SLC9A9: variants seen among roughly 807,000 people sequenced by gnomAD.
The protein encoded by SLC9A9 is solute carrier family 9 member A9, also known as sodium/hydrogen exchanger 9.
Under a neutral mutation model 77.8 loss-of-function variants are expected in SLC9A9, and 62 were observed. That is an observed-to-expected ratio of 0.80 (90% CI 0.65 to 0.98). The LOEUF is 0.98. Ranked by LOEUF, SLC9A9 falls within the 50% of genes least tolerant of loss-of-function variation. The pLI is 0.00. For missense variants in SLC9A9, 775 were observed against 774.9 expected (o/e 1.00, Z 0.00); for synonymous variants, 320 against 283.5 (o/e 1.13, Z -1.29).
chr3:143,368,059 T>C (rs1320627935), intron 13 of SLC9A9, among the ~76,000 whole-genome samples: 1 of 152,212 alleles, frequency 6.6e-6, no homozygotes, highest in Non-Finnish European at 1.5e-5. Context: ...AGCAGCAGAA[T>C]GTTTGATACA....
intron 9 of SLC9A9, among the ~76,000 whole-genome samples, chr3:143,522,371 T>G (rs9828276): frequency 0.35 from 52,964 of 151,980 alleles, 9,237 homozygotes; most frequent in East Asian, 0.44. Flanking sequence ...CTTGTGCCAA[T>G]ATATACAATT....
At chr3:143,352,677 TAATGA>T (rs1398300490) in intron 14 of SLC9A9, among the ~76,000 whole-genome samples, 1 of 152,218 alleles carries the variant, frequency 6.6e-6, no homozygotes, top group African/African-American at 2.4e-5. Context: ...ATCAATATCT[TAATGA>T]AATGATACTT....
intron 4 of SLC9A9, among the ~76,000 whole-genome samples, chr3:143,747,552 A>G (rs1935224645): frequency 6.6e-6 from 1 of 152,234 alleles, no homozygotes; most frequent in Admixed American, 6.5e-5. Context: ...AGACTTGAAT[A>G]CACCCACAGA....
intron 2 of SLC9A9, among the ~76,000 whole-genome samples, chr3:143,806,841 A>G (rs1272435508): frequency 6.6e-6 from 1 of 152,172 alleles, no homozygotes; most frequent in African/African-American, 2.4e-5. Flanking sequence ...GTCAACAATA[A>G]CTTACTGTAC....
At chr3:143,646,277 T>A (rs1416984979) in intron 6 of SLC9A9, among the ~76,000 whole-genome samples, 1 of 148,478 alleles carries the variant, frequency 6.7e-6, no homozygotes, top group Non-Finnish European at 1.5e-5. Flanking sequence ...TATTTATATA[T>A]ACAGGTATAA....
At chr3:143,778,300 T>C (rs1190243593) in intron 4 of SLC9A9, among the ~76,000 whole-genome samples, 1 of 152,184 alleles carries the variant, frequency 6.6e-6, no homozygotes, top group Non-Finnish European at 1.5e-5. Context: ...AACAAAACTT[T>C]GATGTATGCT....
chr3:143,440,603 C>G (rs543715745), intron 12 of SLC9A9, among the ~76,000 whole-genome samples: 1 of 152,144 alleles, frequency 6.6e-6, no homozygotes, highest in African/African-American at 2.4e-5. Context: ...GGTATCCCAC[C>G]GGGTAAATGA....
intron 12 of SLC9A9, among the ~76,000 whole-genome samples, chr3:143,385,121 G>T (rs543969043): frequency 2.0e-5 from 3 of 151,850 alleles, no homozygotes; most frequent in Non-Finnish European, 4.4e-5. Flanking sequence ...TTATGATCAC[G>T]TTAAATGGTC....
At chr3:143,518,997 C>T (rs1049409281) in intron 9 of SLC9A9, among the ~76,000 whole-genome samples, 1 of 152,222 alleles carries the variant, frequency 6.6e-6, no homozygotes, top group Admixed American at 6.5e-5. Flanking sequence ...CCAAACTTGA[C>T]ATTTGTTGAT....
intron 13 of SLC9A9, among the ~76,000 whole-genome samples, chr3:143,378,268 T>C (rs952739471): frequency 5.3e-5 from 8 of 152,216 alleles, no homozygotes; most frequent in African/African-American, 1.7e-4. Context: ...ATTACTTGTA[T>C]GAATAAATGA....
intron 2 of SLC9A9, among the ~76,000 whole-genome samples, chr3:143,823,375 T>C (rs907719733): frequency 1.3e-5 from 2 of 152,186 alleles, no homozygotes; most frequent in African/African-American, 4.8e-5. Context: ...GATACTGTAG[T>C]AGAGTAGCAT....
At chr3:143,361,593 T>C (rs2032753564) in intron 14 of SLC9A9, among the ~76,000 whole-genome samples, 1 of 152,228 alleles carries the variant, frequency 6.6e-6, no homozygotes, top group South Asian at 2.1e-4. Context: ...AAAAACTTCA[T>C]TGTCTAAGTC....
intron 8 of SLC9A9, among the ~76,000 whole-genome samples, chr3:143,556,917 G>A (rs1214736030): frequency 6.6e-6 from 1 of 152,186 alleles, no homozygotes; most frequent in Non-Finnish European, 1.5e-5. Flanking sequence ...GCAAGACCAT[G>A]TGCCAAGTCC....
intron 5 of SLC9A9, among the ~76,000 whole-genome samples, chr3:143,681,746 T>A (rs1560028845): frequency 6.6e-6 from 1 of 152,254 alleles, no homozygotes; most frequent in Admixed American, 6.5e-5. Context: ...GATGTGCTTT[T>A]ATCTTTCTTT....
At chr3:143,816,666 G>A (rs1338397607) in intron 2 of SLC9A9, among the ~76,000 whole-genome samples, 1 of 152,132 alleles carries the variant, frequency 6.6e-6, no homozygotes, top group East Asian at 1.9e-4. Flanking sequence ...TTCTCCAGAA[G>A]TGAAAAATAC....
At chr3:143,350,787 A>G (rs1242133730) in intron 14 of SLC9A9, among the ~76,000 whole-genome samples, 3 of 152,212 alleles carry the variant, frequency 2.0e-5, no homozygotes, top group African/African-American at 7.2e-5. Context: ...AGGGATGACT[A>G]GCAGCCAGAT....
chr3:143,608,164 A>G lies in SLC9A9; in HGVS notation c.756-29441T>C, dbSNP rs111966899. Among the ~76,000 whole-genome samples the G allele has an allele frequency of 4.5e-3, 683 of 152,346 alleles. 3 individuals carry two copies. Among genetic ancestry groups the G allele is most frequent in the African/African-American group, 0.014 (599 of 41,582 alleles). On this transcript the variant is annotated intron_variant, in intron 6 of 15. Coordinates refer to ENST00000316549, the MANE Select transcript of SLC9A9 (RefSeq NM_173653.4). ...AAAGCAAGTTGTAAAAGGATAACAG[A>G]GCAGACTCTTGACTGGCTACCTAAA... is the stretch of plus-strand genomic sequence containing the variant.
At chr3:143,388,401 C>G (rs778180610) in intron 12 of SLC9A9, among the ~76,000 whole-genome samples, 8 of 152,176 alleles carry the variant, frequency 5.3e-5, no homozygotes, top group Non-Finnish European at 7.4e-5. Context: ...ATCCTGGAAT[C>G]GGGTTGCATG....
At chr3:143,831,487 C>T (rs759713556) in intron 2 of SLC9A9, among the ~76,000 whole-genome samples, 7 of 152,282 alleles carry the variant, frequency 4.6e-5, no homozygotes, top group African/African-American at 7.2e-5. Flanking sequence ...CTGATAGTCA[C>T]GATTTCTTGA....
Sources: gnomAD v4.1 joint callset for allele counts (sites outside exome capture counted in the v4.1 genomes callset) on GRCh38, gnomAD v4.1.1 for gene constraint, MANE v1.5 for transcripts, NCBI Gene and HGNC (gene_info 2026-07-23, HGNC 2026-07-21) for gene names.